OTOGL: variants seen among roughly 807,000 people sequenced by gnomAD.
OTOGL encodes otogelin like.
Under a neutral mutation model 318.5 loss-of-function variants are expected in OTOGL, and 285 were observed. The observed-to-expected ratio is 0.89, with a 90% CI of 0.81 to 0.99. OTOGL has a LOEUF of 0.99. Among genes scored for constraint, OTOGL ranks in the 50% least tolerant of loss-of-function variants. OTOGL has a pLI of 0.00. For synonymous variants in OTOGL, 987 were observed against 936.5 expected, an observed-to-expected ratio of 1.05 and a Z score of -0.99; for missense variants, 2,899 against 2,845.6, an observed-to-expected ratio of 1.02 and a Z score of -0.43.
At chr12:80,216,080 C>T (rs892220504) in intron 4 of OTOGL, among the ~76,000 whole-genome samples, 4 of 152,058 alleles carry the variant, frequency 2.6e-5, no homozygotes, top group East Asian at 1.9e-4. Context: ...CTCAGGAGGC[C>T]GAGGCAGGAG....
chr12:80,149,696 A>T (rs1323937917), intron 1 of OTOGL, among the ~76,000 whole-genome samples: 1 of 152,120 alleles, frequency 6.6e-6, no homozygotes, highest in Non-Finnish European at 1.5e-5. Context: ...TTGATCTCAG[A>T]CTGCTGTGCT....
At chr12:80,135,290 C>CTTCCT (rs1871493389) in intron 1 of OTOGL, among the ~76,000 whole-genome samples, 1 of 135,698 alleles carries the variant, frequency 7.4e-6, no homozygotes, top group Admixed American at 7.5e-5. Context: ...CTTCCCTTCC[C>CTTCCT]TTGATGGAGT....
Position 80,321,496 on chromosome 12 carries a change from A to G in OTOGL, c.4081+796A>G, listed in dbSNP as rs184114788. 3.3e-3 allele frequency among the ~76,000 whole-genome samples: 503 copies of G among 152,328 alleles called. 3 individuals are homozygous for G. Among genetic ancestry groups the G allele is most frequent in the African/African-American group, 0.011 (478 of 41,582 alleles). On this transcript the variant is annotated intron_variant, in intron 34 of 58. Transcript: ENST00000547103. ...TGTTAAATGACAAGTTAATGGGTGC[A>G]GCACACCAACATCGCACATGTATAC... is the stretch of plus-strand genomic sequence containing the variant.
At position 80,135,277 on chromosome 12, in the gene OTOGL, CCCCTT is replaced by C. The variant is rs767346954; in HGVS notation, c.-20+35683_-20+35687del. 3.3e-3 allele frequency among the ~76,000 whole-genome samples: 233 copies of C among 69,902 alleles called. 4 individuals carry two copies. Among genetic ancestry groups the C allele is most frequent in the African/African-American group, 9.9e-3 (207 of 20,898 alleles). 45.9% of individuals were successfully genotyped at this position (69,902 alleles called of 152,430 possible). A position where few individuals can be genotyped will look rare whatever the true frequency, so the allele number is the denominator to read the frequency against. On this transcript the variant is annotated intron_variant, in intron 1 of 58. Coordinates refer to ENST00000547103, the MANE Select transcript of OTOGL (RefSeq NM_001378609.3). Reference sequence around the variant, plus strand: ...CCCCTCCCCTCCCCTCCCCTCCCCTCCCCTTCCCTTCCCTTGATGGAGTCTTGCTC... The same window carrying C: ...CCCCTCCCCTCCCCTCCCCTCCCCTCCCCTTCCCTTGATGGAGTCTTGCTC...
intron 27 of OTOGL, among the ~76,000 whole-genome samples, chr12:80,301,915 G>A (rs1297817052): frequency 6.6e-6 from 1 of 152,222 alleles, no homozygotes; most frequent in African/African-American, 2.4e-5. Flanking sequence ...ACCATGTGCT[G>A]TGGCTGTCAG....
chr12:80,122,800 C>G (rs1294516775), intron 1 of OTOGL, among the ~76,000 whole-genome samples: 1 of 152,140 alleles, frequency 6.6e-6, no homozygotes, highest in African/African-American at 2.4e-5. Context: ...GTTTTCATTT[C>G]TATGACTTGG....
Position 80,377,159 on chromosome 12 carries a change from T to C in OTOGL, c.6818T>C (p.Ile2273Thr). The C allele has an allele frequency of 6.2e-7, 1 of 1,610,162 alleles. No individual in the cohort carries two copies. The highest frequency in any genetic ancestry group is 1.1e-5 in the South Asian group (1 of 90,544). ...GAAAGAATATGCCAGAAAGTGATCA[T>C]TAAATCGGTCATAAGGAAACAGGAC... Reference protein sequence around the residue: ...REERICQKVIIKSVIRKQDCM... With the variant: ...REERICQKVITKSVIRKQDCM... The change falls in exon 58 of 59, where the codon ATT (isoleucine) becomes ACT (threonine). Residue 2273 changes from isoleucine (I) to threonine (T), a missense_variant. Ile to Thr is a moderately conservative substitution (Grantham distance 89). Around this residue, in one of 3 missense-constraint regions of OTOGL, gnomAD observed 289 missense variants for 304.6 expected, o/e 0.95. Coordinates refer to ENST00000547103, the MANE Select transcript of OTOGL (RefSeq NM_001378609.3).
intron 1 of OTOGL, among the ~76,000 whole-genome samples, chr12:80,147,662 G>T (rs938217323): frequency 1.3e-5 from 2 of 152,186 alleles, no homozygotes; most frequent in South Asian, 2.1e-4. Flanking sequence ...GGGTGTTAAA[G>T]TCTCCCATTG....
intron 1 of OTOGL, among the ~76,000 whole-genome samples, chr12:80,104,561 A>AT (rs1390564390): frequency 6.6e-6 from 1 of 151,898 alleles, no homozygotes; most frequent in Non-Finnish European, 1.5e-5. Flanking sequence ...TTAGTTCGTC[A>AT]TTGTCTTCCT....
intron 29 of OTOGL, among the ~76,000 whole-genome samples, chr12:80,309,748 C>T (rs1379275053): frequency 2.6e-5 from 4 of 151,994 alleles, no homozygotes; most frequent in South Asian, 2.1e-4. Flanking sequence ...TGTGGATAGT[C>T]GGGGAAGGAC....
intron 1 of OTOGL, among the ~76,000 whole-genome samples, chr12:80,111,092 A>T (rs10862052): frequency 0.64 from 97,797 of 152,120 alleles, 32,230 homozygotes; most frequent in African/African-American, 0.78. Flanking sequence ...TTTGCCCACT[A>T]TTTGATGGGG....
intron 32 of OTOGL, 81 bp from the exon 33 acceptor site, chr12:80,318,465 T>G (rs1197618008): frequency 9.9e-7 from 1 of 1,011,488 alleles, no homozygotes; most frequent in African/African-American, 1.7e-5. Flanking sequence ...TATTTTGTTA[T>G]TAAAACATTT....
chr12:80,218,477 G>T lies in OTOGL; in HGVS notation c.235+813G>T, dbSNP rs532910306. 2.3e-3 allele frequency among the ~76,000 whole-genome samples: 348 copies of T among 152,250 alleles called. 1 individual carries two copies. The highest frequency in any genetic ancestry group is 8.2e-3 in the African/African-American group (339 of 41,568). On this transcript the variant is annotated intron_variant, in intron 5 of 58. Transcript: ENST00000547103. ...ATGATCAATTATATAACTATCTTCTGGGAATTAAGATGTTCTGTGGTTCTC... is the reference window on the plus strand; with the variant it reads ...ATGATCAATTATATAACTATCTTCTTGGAATTAAGATGTTCTGTGGTTCTC...
Position 80,209,487 on chromosome 12 carries a change from A to C in OTOGL, c.56A>C (p.His19Pro). Residue 19 changes from histidine to proline, a missense_variant, in exon 2 of 59, where the codon CAT becomes CCT. Physicochemically the swap from His to Pro is moderately conservative, Grantham distance 77 (BLOSUM62 -2). This residue lies in a region of OTOGL where 2,607 missense variants were observed against 2,524.9 expected (regional missense o/e 1.03). Coordinates refer to ENST00000547103, the MANE Select transcript of OTOGL (RefSeq NM_001378609.3). ...ATACCTTGGAGTATATTCTTGCTTCATGTACTGCTGTTTTCATTACAAGGT... is the reference window on the plus strand; with the variant it reads ...ATACCTTGGAGTATATTCTTGCTTCCTGTACTGCTGTTTTCATTACAAGGT... ...LMIPWSIFLL[H>P]VLLFSLQEYI... The C allele has an allele frequency of 6.6e-7, 1 of 1,504,762 alleles. No homozygotes were observed. The allele number at this position is 1,504,762 out of a possible 1,614,324, so 93.2% of individuals were successfully genotyped here.
At chr12:80,333,199 TA>T in intron 38 of OTOGL, 121 bp downstream of exon 38, 1 of 746,214 alleles carries the variant, frequency 1.3e-6, no homozygotes, top group Non-Finnish European at 2.2e-6. Flanking sequence ...CTAGCCTTGC[TA>T]AAAGATATTA....
chr12:80,336,145 G>A lies in OTOGL; in HGVS notation c.4600+5G>A, dbSNP rs372599299. On this transcript the variant is annotated splice_donor_5th_base_variant and intron_variant, in intron 39 of 58. Coordinates refer to ENST00000547103, the MANE Select transcript of OTOGL (RefSeq NM_001378609.3). ...GCCCTGAGTGGGAATGTCCTTGTAAGTTTGCATTTCTTAAGCGGTGATCTT... is the reference window on the plus strand; with the variant it reads ...GCCCTGAGTGGGAATGTCCTTGTAAATTTGCATTTCTTAAGCGGTGATCTT... The A allele has an allele frequency of 3.2e-6, 5 of 1,561,096 alleles. No homozygotes were observed. Among genetic ancestry groups the A allele is most frequent in the Non-Finnish European group, 3.4e-6 (4 of 1,163,194 alleles).
rs1304921571 is a variant in OTOGL at position 80,103,888 on chromosome 12, TG to T, written c.-20+4284del. On this transcript the variant is annotated intron_variant, in intron 1 of 58. Coordinates refer to ENST00000547103, the MANE Select transcript of OTOGL (RefSeq NM_001378609.3). ...TAGACACCTGAGAACTGATAACTTT[TG>T]CCTTGTTTCTGAAGATTCATCAGTA... is the stretch of plus-strand genomic sequence containing the variant. 2.0e-5 allele frequency among the ~76,000 whole-genome samples: 3 copies of T among 152,364 alleles called. No individual in the cohort carries two copies. In the East Asian group the frequency reaches 5.8e-4, roughly 29 times the overall value.
At chr12:80,188,006 C>A (rs773133271) in intron 1 of OTOGL, among the ~76,000 whole-genome samples, 1 of 152,168 alleles carries the variant, frequency 6.6e-6, no homozygotes, top group Non-Finnish European at 1.5e-5. Context: ...GCTGACAAGG[C>A]TGACTCAGTG....
chr12:80,178,061 C>CTTTTTTTTTTTTTTTTTTTTTTTTTT (rs71094968), intron 1 of OTOGL, among the ~76,000 whole-genome samples: 27 of 74,916 alleles, frequency 3.6e-4, no homozygotes, highest in African/African-American at 5.2e-4. Context: ...TTCTTTCTTT[C>CTTTTTTTTTTTTTTTTTTTTTTTTTT]TTTTTTTTTT....
Sources: allele counts gnomAD v4.1 joint callset (sites outside exome capture counted in the v4.1 genomes callset), GRCh38; gene constraint gnomAD v4.1.1; regional missense constraint gnomAD v4.1.1; transcripts MANE v1.5; gene names NCBI Gene and HGNC (gene_info 2026-07-23, HGNC 2026-07-21).